The following NBEAL1 variants were observed in gnomAD, a reference collection of about 807,000 sequenced individuals.
The protein encoded by NBEAL1 is neurobeachin-like protein 1.
In NBEAL1, 273 loss-of-function variants were observed where a neutral mutation model predicts 351.3. That is an observed-to-expected ratio of 0.78 (90% CI 0.70 to 0.86). NBEAL1 has a LOEUF of 0.86. Ranked by LOEUF, NBEAL1 falls within the 40% of genes least tolerant of loss-of-function variation. NBEAL1 has a pLI of 0.00. For synonymous variants in NBEAL1, 1,050 were observed against 1,086.4 expected (o/e 0.97, Z 0.66); for missense variants, 2,961 against 3,201.3 (o/e 0.92, Z 1.81).
At chr2:203,158,585 G>C (rs1457091011) in intron 36 of NBEAL1, among the ~76,000 whole-genome samples, 1 of 151,996 alleles carries the variant, frequency 6.6e-6, no homozygotes, top group Non-Finnish European at 1.5e-5. Context: ...ACATTTCTTT[G>C]TATAAGTTCA....
chr2:203,190,406 AGAAGTAG>A lies in NBEAL1; in HGVS notation c.6921+18_6921+24del. ...TTATTAAAGGTAAGTCAACAACTTA[AGAAGTAG>A]ATTTAAGTCAACTTAAGAAGTAGAT... On this transcript the variant is annotated intron_variant, in intron 46 of 55. Coordinates refer to ENST00000683969, the MANE Select transcript of NBEAL1 (RefSeq NM_001378026.1). 6.5e-7 allele frequency: 1 copy of A among 1,550,172 alleles called. No individual in the cohort carries two copies. The highest frequency in any genetic ancestry group is 8.8e-7 in the Non-Finnish European group (1 of 1,132,070).
At chr2:203,079,061 G>GTTTGT (rs901276678) in intron 8 of NBEAL1, among the ~76,000 whole-genome samples, 10 of 152,052 alleles carry the variant, frequency 6.6e-5, no homozygotes, top group Admixed American at 3.3e-4. Flanking sequence ...AAAATCACAA[G>GTTTGT]TTTGTTTTGT....
At chr2:203,190,594 C>A in intron 46 of NBEAL1, 1 of 597,128 alleles carries the variant, frequency 1.7e-6, no homozygotes, top group Non-Finnish European at 2.7e-6. Context: ...TGTCCTCATG[C>A]TGGGACTCAT....
chr2:203,130,512 G>A (rs553309434), intron 25 of NBEAL1, 36 bp downstream of exon 25: 2 of 1,327,860 alleles, frequency 1.5e-6, no homozygotes, highest in Non-Finnish European at 9.7e-7. Context: ...GTATTTTGAG[G>A]CGTTTGTGGG....
chr2:203,132,137 G>A lies in NBEAL1; in HGVS notation c.3724+5G>A. ...CCCATCAAATCATAAATACAGGTAT[G>A]AATAAGGCTAATAAAGCTAACATAT... On this transcript the variant is annotated splice_donor_5th_base_variant and intron_variant, in intron 26 of 55. Transcript: ENST00000683969. 6.8e-7 allele frequency: 1 copy of A among 1,469,198 alleles called. No individual in the cohort carries two copies. Among genetic ancestry groups the A allele is most frequent in the Non-Finnish European group, 9.2e-7 (1 of 1,088,292 alleles). 91.0% of individuals were successfully genotyped at this position (1,469,198 alleles called of 1,614,324 possible).
chr2:203,040,647 T>C (rs2061125786), intron 2 of NBEAL1: 13 of 655,760 alleles, frequency 2.0e-5, no homozygotes, highest in South Asian at 1.8e-4. Flanking sequence ...TGGAGAAGTT[T>C]GGTGACATTT....
Position 203,144,632 on chromosome 2 carries a change from C to T in NBEAL1, c.4881C>T (p.Thr1627=). Residue 1627 remains threonine, a synonymous_variant, in exon 32 of 56, where the codon ACC becomes ACT. Transcript: ENST00000683969. ...VCAMASAKLN[T]LLQTKVIENQ... ...CAATGGCATCAGCTAAGCTAAATACCCTTCTTCAGACCAAAGTGATTGAAA... is the reference window on the plus strand; with the variant it reads ...CAATGGCATCAGCTAAGCTAAATACTCTTCTTCAGACCAAAGTGATTGAAA... 1.9e-6 allele frequency: 3 copies of T among 1,613,930 alleles called. No individual in the cohort carries two copies. The highest frequency in any genetic ancestry group is 2.5e-6 in the Non-Finnish European group (3 of 1,179,922).
Position 203,183,342 on chromosome 2 carries a change from G to C in NBEAL1, c.6659G>C (p.Trp2220Ser), listed in dbSNP as rs746392158. The C allele has an allele frequency of 1.9e-6, 3 of 1,600,366 alleles. No individual in the cohort carries two copies. Among genetic ancestry groups the C allele is most frequent in the South Asian group, 2.3e-5 (2 of 87,968 alleles). Residue 2220 changes from tryptophan to serine, a missense_variant, in exon 44 of 56, where the codon TGG becomes TCG. Coordinates refer to ENST00000683969, the MANE Select transcript of NBEAL1 (RefSeq NM_001378026.1). ...ELVNDVILPK[W>S]AKSAEDFIYK... The stretch of plus-strand genomic sequence containing the variant: ...GTAAATGATGTCATTCTCCCGAAAT[G>C]GGCTAAATCAGCTGAAGATTTCATC...
At chr2:203,141,515 T>G (rs2063382181) in intron 31 of NBEAL1, among the ~76,000 whole-genome samples, 1 of 150,478 alleles carries the variant, frequency 6.6e-6, no homozygotes, top group Non-Finnish European at 1.5e-5. Flanking sequence ...CCCAAGTCGT[T>G]GGGGCTACAG....
chr2:203,148,985 T>C lies in NBEAL1; in HGVS notation c.5305-6T>C. 1 of 1,602,260 alleles carries C rather than the reference T, an allele frequency of 6.2e-7. No individual in the cohort carries two copies. The highest frequency in any genetic ancestry group is 8.5e-7 in the Non-Finnish European group (1 of 1,174,028). On this transcript the variant is annotated splice_region_variant and splice_polypyrimidine_tract_variant and intron_variant, in intron 33 of 55. Transcript: ENST00000683969. Reference sequence around the variant, plus strand: ...CAATGACCTTACTTTTTATTGTTTCTTTCAGGAGCTGTTTGTGGAGCCATT... The same window carrying C: ...CAATGACCTTACTTTTTATTGTTTCCTTCAGGAGCTGTTTGTGGAGCCATT...
At chr2:203,094,667 A>G (rs1356753831) in intron 10 of NBEAL1, among the ~76,000 whole-genome samples, 4 of 152,210 alleles carry the variant, frequency 2.6e-5, no homozygotes, top group Non-Finnish European at 4.4e-5. Flanking sequence ...GAGTTTCATC[A>G]AACTATAGAG....
intron 2 of NBEAL1, among the ~76,000 whole-genome samples, chr2:203,023,401 T>G (rs954054391): frequency 1.3e-5 from 2 of 152,182 alleles, no homozygotes; most frequent in African/African-American, 4.8e-5. Context: ...TTTTCAGAAT[T>G]TAGGTATGAA....
chr2:203,110,415 G>A lies in NBEAL1; in HGVS notation c.2082+133G>A, dbSNP rs1054522515. ...GCTGGGCGCAGTGGCACACCTGTACGTAATCCCAGCACTTTAGGAGCCCAA... is the reference window on the plus strand; with the variant it reads ...GCTGGGCGCAGTGGCACACCTGTACATAATCCCAGCACTTTAGGAGCCCAA... On this transcript the variant is annotated intron_variant, in intron 15 of 55. Transcript: ENST00000683969. 8.9e-6 allele frequency: 8 copies of A among 900,174 alleles called. No individual in the cohort carries two copies. The Admixed American group carries it at 1.2e-4, about 13-fold the overall frequency. 55.8% of individuals were successfully genotyped at this position (900,174 alleles called of 1,614,324 possible).
chr2:203,190,429 A>AATCTACTTCT, intron 46 of NBEAL1, 40 bp downstream of exon 46: 1 of 1,411,510 alleles, frequency 7.1e-7, no homozygotes, highest in Non-Finnish European at 9.9e-7. Flanking sequence ...AGTCAACTTA[A>AATCTACTTCT]GAAGTAGATT....
Position 203,180,643 on chromosome 2 carries a change from C to G in NBEAL1, c.6595+131C>G, listed in dbSNP as rs1426320230. 15 of 833,320 alleles carry G rather than the reference C, an allele frequency of 1.8e-5. No homozygotes were observed. The African/African-American group carries it at 1.9e-4, about 11-fold the overall frequency. The allele number at this position is 833,320 out of a possible 1,614,324, so 51.6% of individuals were successfully genotyped here. ...ATTCTGTCTGTGGATTACTTAGTGA[C>G]AGGGCTGAACTAATGCTATGAGTCT... On this transcript the variant is annotated intron_variant, in intron 43 of 55. Transcript: ENST00000683969.
intron 18 of NBEAL1, among the ~76,000 whole-genome samples, chr2:203,118,517 G>A (rs2062750643): frequency 6.6e-6 from 1 of 151,750 alleles, no homozygotes; most frequent in Non-Finnish European, 1.5e-5. Context: ...CCACTATATA[G>A]CATAGATAGC....
At chr2:203,085,087 T>C (rs2106169701) in intron 10 of NBEAL1, 1 of 154,638 alleles carries the variant, frequency 6.5e-6, no homozygotes, top group Non-Finnish European at 1.5e-5. Flanking sequence ...CACTGAATAA[T>C]GTTTTTGTAT....
At chr2:203,059,853 A>T (rs910687638) in intron 6 of NBEAL1, among the ~76,000 whole-genome samples, 7 of 152,176 alleles carry the variant, frequency 4.6e-5, no homozygotes, top group Middle Eastern at 3.4e-3. Context: ...GTCTTTTTTT[A>T]AAAAAAGTAC....
chr2:203,217,586 A>C lies in NBEAL1; in HGVS notation c.*232A>C. 1 of 1,106,890 alleles carries C rather than the reference A, an allele frequency of 9.0e-7. No homozygotes were observed. The highest frequency in any genetic ancestry group is 4.4e-5 in the East Asian group (1 of 22,622). 68.6% of individuals were successfully genotyped at this position (1,106,890 alleles called of 1,614,324 possible). A position where few individuals can be genotyped will look rare whatever the true frequency, so the allele number is the denominator to read the frequency against. On this transcript the variant is annotated 3_prime_UTR_variant, in exon 56 of 56. Coordinates refer to ENST00000683969, the MANE Select transcript of NBEAL1 (RefSeq NM_001378026.1). ...CCCATTCCTAAAGGTCATTGTATCC[A>C]TTTTTAAAACAAACTAAAATGAGAA...
Sources: allele counts gnomAD v4.1 joint callset (sites outside exome capture counted in the v4.1 genomes callset), GRCh38; gene constraint gnomAD v4.1.1; transcripts MANE v1.5; gene names NCBI Gene and HGNC (gene_info 2026-07-23, HGNC 2026-07-21).